The following WARS2 variants were observed in gnomAD, a reference collection of about 807,000 sequenced individuals.
WARS2 encodes the protein tryptophanyl tRNA synthetase 2, mitochondrial.
In WARS2, 28 loss-of-function variants were observed where a neutral mutation model predicts 36.5. The ratio of observed to expected loss-of-function variants is 0.77; its 90% confidence interval spans 0.57 to 1.05. The LOEUF (loss-of-function observed/expected upper bound fraction) is 1.05, where lower values mean the gene tolerates loss of function less well. Among genes scored for constraint, WARS2 ranks in the 50% least tolerant of loss-of-function variants. The pLI is 0.00. For synonymous variants in WARS2, 174 were observed against 178.4 expected (o/e 0.98, Z 0.20); for missense variants, 435 against 456.8 (o/e 0.95, Z 0.44).
At chr1:119,137,220 G>A (rs587671257) in intron 1 of WARS2, among the ~76,000 whole-genome samples, 4 of 152,286 alleles carry the variant, frequency 2.6e-5, no homozygotes, top group Non-Finnish European at 5.9e-5. Flanking sequence ...AAAGCTTGGT[G>A]AAGGGTATAC....
intron 1 of WARS2, among the ~76,000 whole-genome samples, chr1:119,087,684 AGAG>A (rs1652770436): frequency 6.6e-6 from 1 of 152,256 alleles, no homozygotes; most frequent in South Asian, 2.1e-4. Context: ...TTATGCATGC[AGAG>A]GAGGTTGTAT....
chr1:119,127,378 A>C, intron 1 of WARS2: 9 of 410,362 alleles, frequency 2.2e-5, no homozygotes, highest in Non-Finnish European at 3.6e-5. Flanking sequence ...AGAAAAATCA[A>C]GCGACTGCAC....
chr1:119,126,826 C>T, intron 1 of WARS2: 1 of 749,780 alleles, frequency 1.3e-6, no homozygotes, highest in South Asian at 1.3e-5. Flanking sequence ...GTCATGATTT[C>T]CATCATCTTC....
chr1:119,140,518 A>G, intron 1 of WARS2, 37 bp downstream of exon 1: 1 of 1,594,418 alleles, frequency 6.3e-7, no homozygotes, highest in Non-Finnish European at 8.6e-7. Context: ...ACCTCGCGGG[A>G]TGGGAAGCCG....
chr1:119,083,133 G>A (rs587687422), intron 1 of WARS2, among the ~76,000 whole-genome samples: 2 of 152,304 alleles, frequency 1.3e-5, no homozygotes, highest in African/African-American at 2.4e-5. Flanking sequence ...GGAGGCTGAG[G>A]CAGGAGAATC....
intron 1 of WARS2, among the ~76,000 whole-genome samples, chr1:119,134,339 A>C (rs1363253899): frequency 1.3e-5 from 2 of 150,950 alleles, no homozygotes; most frequent in South Asian, 2.1e-4. Flanking sequence ...AAAAAAAAAA[A>C]AACAAAGACA....
chr1:119,069,009 T>A lies in WARS2; in HGVS notation c.348+7341A>T, dbSNP rs762653027. ...AAAATCTTCAGTAAGTCTGAATTGT[T>A]CCAGTCAGACTGCTGAGAAAGAATG... On this transcript the variant is annotated intron_variant, in intron 2 of 5. Transcript: ENST00000235521. Among the ~76,000 whole-genome samples, 88 of 152,158 alleles carry A rather than the reference T, an allele frequency of 5.8e-4. 1 individual carries two copies. The highest frequency in any genetic ancestry group is 5.8e-3 in the Admixed American group (88 of 15,272).
intron 1 of WARS2, among the ~76,000 whole-genome samples, chr1:119,125,741 T>C (rs1255355155): frequency 2.6e-5 from 4 of 152,222 alleles, no homozygotes; most frequent in Non-Finnish European, 5.9e-5. Flanking sequence ...ACCTCTTGAA[T>C]ACTCTTCTAA....
At chr1:119,076,698 A>G (rs927199793) in intron 1 of WARS2, 91 bp from the exon 2 acceptor site, 135 of 1,538,190 alleles carry the variant, frequency 8.8e-5, no homozygotes, top group Non-Finnish European at 1.1e-4. Context: ...AGCTAGTTAT[A>G]TTTTTGTAAA....
chr1:119,060,817 T>C (rs1650312994), intron 2 of WARS2, among the ~76,000 whole-genome samples: 1 of 152,138 alleles, frequency 6.6e-6, no homozygotes, highest in Non-Finnish European at 1.5e-5. Flanking sequence ...GCTTGAAGAA[T>C]GAAAAAACAA....
chr1:119,112,349 A>C (rs1654700303), intron 1 of WARS2, among the ~76,000 whole-genome samples: 1 of 152,214 alleles, frequency 6.6e-6, no homozygotes, highest in African/African-American at 2.4e-5. Flanking sequence ...ACAGTAAAGA[A>C]AGATGTAGAG....
At chr1:119,126,639 C>A (rs35404519) in intron 1 of WARS2, 30,880 of 704,890 alleles carry the variant, frequency 0.044, 1,528 homozygotes, top group East Asian at 0.19. Flanking sequence ...ACCTTCACCA[C>A]GAAGCTCCAT....
intron 2 of WARS2, 21 bp from the exon 3 acceptor site, chr1:119,045,683 A>C: frequency 6.4e-7 from 1 of 1,561,486 alleles, no homozygotes; most frequent in African/African-American, 1.4e-5. Context: ...AAAATAGAAC[A>C]TTAGTAAAGG....
At chr1:119,127,679 C>T (rs74114822) in intron 1 of WARS2, among the ~76,000 whole-genome samples, 2,536 of 152,252 alleles carry the variant, frequency 0.017, 75 homozygotes, top group African/African-American at 0.058. Flanking sequence ...CGATTTCCCA[C>T]ACTATTCTCA....
At position 119,085,619 on chromosome 1, in the gene WARS2, C is replaced by T. The variant is rs1571337430; in HGVS notation, c.91-9012G>A. The T allele has an allele frequency of 4.1e-6, 6 of 1,455,556 alleles. No individual in the cohort carries two copies. The East Asian group carries it at 1.1e-4, about 27-fold the overall frequency. 90.2% of individuals were successfully genotyped at this position (1,455,556 alleles called of 1,614,324 possible). On this transcript the variant is annotated intron_variant, in intron 1 of 5. Coordinates refer to ENST00000235521, the MANE Select transcript of WARS2 (RefSeq NM_015836.4). Reference sequence around the variant, plus strand: ...AGTCCTTAGGAACGCAATAGTTAGACACATGATCCACTCGGATAGTTCTTC... The same window carrying T: ...AGTCCTTAGGAACGCAATAGTTAGATACATGATCCACTCGGATAGTTCTTC...
chr1:119,126,611 G>A (rs1655676357), intron 1 of WARS2: 1 of 683,094 alleles, frequency 1.5e-6, no homozygotes, highest in Non-Finnish European at 2.7e-6. Flanking sequence ...TGTCCCCAGT[G>A]GCTTTTCCAA....
intron 2 of WARS2, among the ~76,000 whole-genome samples, chr1:119,066,370 C>T (rs1009400510): frequency 2.7e-5 from 4 of 148,628 alleles, no homozygotes; most frequent in East Asian, 4.1e-4. Context: ...CCCAGCTACT[C>T]GGGAGGCCGA....
chr1:119,084,181 A>ATT (rs67263581), intron 1 of WARS2, among the ~76,000 whole-genome samples: 81 of 149,166 alleles, frequency 5.4e-4, no homozygotes, highest in Middle Eastern at 3.4e-3. Flanking sequence ...ACGTCGGCTA[A>ATT]TTTTTTTTTT....
intron 1 of WARS2, chr1:119,127,392 G>A (rs1448230461): frequency 9.5e-6 from 4 of 422,814 alleles, no homozygotes; most frequent in East Asian, 5.3e-5. Context: ...ACTGCACAAG[G>A]TCACACTGCC....
Sources: gnomAD v4.1 joint callset for allele counts (sites outside exome capture counted in the v4.1 genomes callset) on GRCh38, gnomAD v4.1.1 for gene constraint, MANE v1.5 for transcripts, NCBI Gene and HGNC (gene_info 2026-07-23, HGNC 2026-07-21) for gene names.